The following VAV3 variants were observed in gnomAD, a reference collection of about 807,000 sequenced individuals.
VAV3 encodes guanine nucleotide exchange factor VAV3.
Under a neutral mutation model 131.2 loss-of-function variants are expected in VAV3, and 94 were observed. The observed-to-expected ratio is 0.72, with a 90% CI of 0.61 to 0.85. The LOEUF (loss-of-function observed/expected upper bound fraction) is 0.85, where lower values mean the gene tolerates loss of function less well. VAV3 is among the 40% of genes least tolerant of loss of function. The pLI, the probability that VAV3 is intolerant of heterozygous loss-of-function variation, is 0.00. For missense variants in VAV3, 939 were observed against 1,002.7 expected (o/e 0.94, Z 0.86); for synonymous variants, 349 against 342.0 (o/e 1.02, Z -0.22).
At chr1:107,665,768 G>A (rs1657365396) in intron 19 of VAV3, among the ~76,000 whole-genome samples, 1 of 152,140 alleles carries the variant, frequency 6.6e-6, no homozygotes, top group East Asian at 1.9e-4. Flanking sequence ...TCCAGAGGGA[G>A]GAGGGATCTC....
At chr1:107,636,133 A>C (rs1301653826) in intron 20 of VAV3, among the ~76,000 whole-genome samples, 2 of 152,236 alleles carry the variant, frequency 1.3e-5, no homozygotes, top group African/African-American at 2.4e-5. Flanking sequence ...GGTTAGAAGG[A>C]AGACACTGAA....
At chr1:107,643,569 CATG>C (rs557633487) in intron 19 of VAV3, among the ~76,000 whole-genome samples, 18 of 152,236 alleles carry the variant, frequency 1.2e-4, no homozygotes, top group Middle Eastern at 6.8e-3. Flanking sequence ...CACTCATAAA[CATG>C]ATATTTTTTG....
Position 107,670,421 on chromosome 1 carries a change from CATT to C in VAV3, c.1777+13064_1777+13066del, listed in dbSNP as rs1364250338. ...CTCAGAGCATGTTAAATTTACATAA[CATT>C]ATCACAAATTAAATAACAGCCAAAT... On this transcript the variant is annotated intron_variant, in intron 19 of 26. Coordinates refer to ENST00000370056, the MANE Select transcript of VAV3 (RefSeq NM_006113.5). Among the ~76,000 whole-genome samples, 6 of 152,106 alleles carry C rather than the reference CATT, an allele frequency of 3.9e-5. No homozygotes were observed. In the East Asian group the frequency reaches 1.2e-3, roughly 29 times the overall value.
chr1:107,785,652 T>A, intron 2 of VAV3: 1 of 1,118,754 alleles, frequency 8.9e-7, no homozygotes, highest in Non-Finnish European at 1.1e-6. Flanking sequence ...CCTGTGGGGT[T>A]GTGGAGAAAA....
chr1:107,676,836 C>A (rs1383719503), intron 19 of VAV3, among the ~76,000 whole-genome samples: 1 of 152,150 alleles, frequency 6.6e-6, no homozygotes, highest in South Asian at 2.1e-4. Context: ...TCACAGTCAA[C>A]CAGATCATTC....
Position 107,749,611 on chromosome 1 carries a change from G to A in VAV3, c.1260-17C>T, listed in dbSNP as rs770938438. On this transcript the variant is annotated splice_polypyrimidine_tract_variant and intron_variant, in intron 13 of 26. Transcript: ENST00000370056. Reference sequence around the variant, plus strand: ...AAGATATGCCTGGGAAAAAGAGATTGATTGATTGATTTTAAATGGTTTAGA... The same window carrying A: ...AAGATATGCCTGGGAAAAAGAGATTAATTGATTGATTTTAAATGGTTTAGA... 1.2e-6 allele frequency: 2 copies of A among 1,606,024 alleles called. No individual in the cohort carries two copies. The highest frequency in any genetic ancestry group is 2.2e-5 in the South Asian group (2 of 89,464).
At chr1:107,755,323 A>C (rs1664035996) in intron 12 of VAV3, 104 bp downstream of exon 12, 1 of 888,868 alleles carries the variant, frequency 1.1e-6, no homozygotes, top group Non-Finnish European at 1.8e-6. Context: ...AACAACCTCC[A>C]ACAGTAGAAA....
At chr1:107,850,883 C>T (rs1669186968) in intron 2 of VAV3, among the ~76,000 whole-genome samples, 1 of 151,970 alleles carries the variant, frequency 6.6e-6, no homozygotes, top group South Asian at 2.1e-4. Context: ...TATTTCCTTT[C>T]GTATGGCTGC....
At chr1:107,787,987 T>C (rs1285325519) in intron 2 of VAV3, among the ~76,000 whole-genome samples, 1 of 152,018 alleles carries the variant, frequency 6.6e-6, no homozygotes, top group African/African-American at 2.4e-5. Context: ...TGGCCAGACA[T>C]TGGGGAAACT....
intron 4 of VAV3, among the ~76,000 whole-genome samples, chr1:107,773,567 T>G (rs6686061): frequency 0.21 from 32,118 of 151,950 alleles, 3,540 homozygotes; most frequent in East Asian, 0.35. Flanking sequence ...TAAAGACAGA[T>G]GAGGAGAGGA....
intron 22 of VAV3, among the ~76,000 whole-genome samples, chr1:107,608,807 T>A (rs755517316): frequency 2.6e-5 from 4 of 152,308 alleles, no homozygotes; most frequent in African/African-American, 9.6e-5. Flanking sequence ...ATAACTCACA[T>A]GGTAACATGC....
chr1:107,714,963 T>C (rs1454907312), intron 15 of VAV3, among the ~76,000 whole-genome samples: 1 of 152,174 alleles, frequency 6.6e-6, no homozygotes, highest in African/African-American at 2.4e-5. Flanking sequence ...TTCAGTGACA[T>C]TGCAAAGAAA....
intron 1 of VAV3, among the ~76,000 whole-genome samples, chr1:107,900,213 C>G (rs1438280301): frequency 6.6e-6 from 1 of 152,064 alleles, no homozygotes; most frequent in Non-Finnish European, 1.5e-5. Flanking sequence ...ACTTAGGAAA[C>G]CTACTGAAAA....
intron 1 of VAV3, among the ~76,000 whole-genome samples, chr1:107,920,324 CCA>C (rs1672834469): frequency 6.6e-6 from 1 of 152,132 alleles, no homozygotes; most frequent in Admixed American, 6.5e-5. Flanking sequence ...TTCATCATTA[CCA>C]CACACAGGGT....
chr1:107,816,443 G>C (rs368444113), intron 2 of VAV3, among the ~76,000 whole-genome samples: 2 of 152,218 alleles, frequency 1.3e-5, no homozygotes, highest in African/African-American at 4.8e-5. Flanking sequence ...TTTCTTAATT[G>C]ATTAATACTG....
intron 21 of VAV3, among the ~76,000 whole-genome samples, chr1:107,612,666 T>C (rs995459010): frequency 6.6e-5 from 10 of 152,104 alleles, no homozygotes; most frequent in African/African-American, 2.4e-4. Context: ...CTTGGACAAT[T>C]TGAATGAATG....
chr1:107,835,829 C>G (rs1668454444), intron 2 of VAV3, among the ~76,000 whole-genome samples: 1 of 152,202 alleles, frequency 6.6e-6, no homozygotes, highest in Non-Finnish European at 1.5e-5. Flanking sequence ...TATGGACATA[C>G]TCCACAACCC....
chr1:107,763,059 C>T (rs1046426669), intron 9 of VAV3, among the ~76,000 whole-genome samples: 1 of 152,190 alleles, frequency 6.6e-6, no homozygotes, highest in Non-Finnish European at 1.5e-5. Flanking sequence ...ACAGAAGACA[C>T]AAAGAAGGCA....
intron 20 of VAV3, among the ~76,000 whole-genome samples, chr1:107,633,123 T>C (rs892675809): frequency 1.3e-5 from 2 of 151,952 alleles, no homozygotes; most frequent in Admixed American, 6.6e-5. Context: ...ATAATGAATC[T>C]CAAAACATGA....
Sources: gnomAD v4.1 joint callset for allele counts (sites outside exome capture counted in the v4.1 genomes callset) on GRCh38, gnomAD v4.1.1 for gene constraint, MANE v1.5 for transcripts, NCBI Gene and HGNC (gene_info 2026-07-23, HGNC 2026-07-21) for gene names.